AOX1: variants seen among roughly 807,000 people sequenced by gnomAD.
The protein encoded by AOX1 is aldehyde oxidase 1, also known as aldehyde oxidase.
AOX1 carries 153 observed loss-of-function variants against 169.5 expected under a neutral mutation model. That is an observed-to-expected ratio of 0.90 (90% CI 0.79 to 1.03). AOX1 has a LOEUF of 1.03. AOX1 is among the 50% of genes least tolerant of loss of function. The pLI is 0.00. For synonymous variants in AOX1, 562 were observed against 581.9 expected (o/e 0.97, Z 0.49); for missense variants, 1,656 against 1,663.9 (o/e 1.00, Z 0.08).
At chr2:200,630,380 A>G (rs1162804655) in intron 20 of AOX1, among the ~76,000 whole-genome samples, 1 of 151,940 alleles carries the variant, frequency 6.6e-6, no homozygotes, top group African/African-American at 2.4e-5. Context: ...AAAATTAGCC[A>G]GGTGTGGTGA....
Position 200,621,138 on chromosome 2 carries a change from A to C in AOX1, c.1893A>C (p.Glu631Asp), listed in dbSNP as rs546979633. 1.6e-4 allele frequency: 263 copies of C among 1,614,026 alleles called. 1 individual carries two copies. The South Asian group carries it at 2.8e-3, about 17-fold the overall frequency. ...CATCTAGGTCTATTGATCTGTCAGA[A>C]GCTCTCAGCATGCCCGGTGTGGTGG... ...HAKIVSIDLSEALSMPGVVDI... is the reference protein window; with the variant it reads ...HAKIVSIDLSDALSMPGVVDI... The change falls in exon 18 of 35, where the codon GAA (glutamate) becomes GAC (aspartate). Residue 631 changes from glutamate to aspartate, a missense_variant. By Grantham distance (45) the Glu-to-Asp change is conservative (BLOSUM62 2). Coordinates refer to ENST00000374700, the MANE Select transcript of AOX1 (RefSeq NM_001159.4).
intron 4 of AOX1, 106 bp from the exon 5 acceptor site, chr2:200,599,514 A>G (rs990033928): frequency 2.2e-6 from 2 of 899,980 alleles, no homozygotes; most frequent in Non-Finnish European, 1.6e-6. Flanking sequence ...TGCAATCTTA[A>G]CATGCAGACA....
intron 25 of AOX1, 99 bp from the exon 26 acceptor site, chr2:200,650,875 C>T: frequency 9.1e-7 from 1 of 1,104,478 alleles, no homozygotes; most frequent in Non-Finnish European, 1.3e-6. Flanking sequence ...TGGCTTGGAC[C>T]TTACAGGATG....
chr2:200,609,038 A>T lies in AOX1; in HGVS notation c.962A>T (p.Asp321Val), dbSNP rs755665118. The T allele has an allele frequency of 2.3e-5, 37 of 1,613,950 alleles. No homozygotes were observed. The highest frequency in any genetic ancestry group is 2.9e-5 in the Non-Finnish European group (34 of 1,179,986). Residue 321 changes from aspartate to valine, a missense_variant, in exon 11 of 35, where the codon GAT (aspartate) becomes GTT (valine). Physicochemically the swap from Asp to Val is radical, Grantham distance 152. Transcript: ENST00000374700. ...GCCCAGGTGAAGGACATTTTGGCTG[A>T]TGTAGTCCAGAAGCTTCCAGAGGAG... ...SLAQVKDILADVVQKLPEEKT... is the reference protein window; with the variant it reads ...SLAQVKDILAVVVQKLPEEKT...
intron 18 of AOX1, among the ~76,000 whole-genome samples, chr2:200,623,063 C>G (rs571454241): frequency 6.6e-6 from 1 of 152,018 alleles, no homozygotes; most frequent in South Asian, 2.1e-4. Flanking sequence ...ACTTTATGTT[C>G]ATTGTGGAAA....
intron 3 of AOX1, 49 bp from the exon 4 acceptor site, chr2:200,597,348 C>A: frequency 7.2e-7 from 1 of 1,396,996 alleles, no homozygotes; most frequent in South Asian, 1.3e-5. Flanking sequence ...CCCTTTCCCA[C>A]TGTATGCGAC....
In AOX1 at chr2:200,590,428, T is replaced by A. The variant is rs572066667; in HGVS notation, c.46-2718T>A. On this transcript the variant is annotated intron_variant, in intron 1 of 34. Coordinates refer to ENST00000374700, the MANE Select transcript of AOX1 (RefSeq NM_001159.4). ...CAAATCCAGAGTCAACCAGAATAAC[T>A]GTTACCCATCCCCTGTATGCCTTCT... Among the ~76,000 whole-genome samples, 12 of 152,222 alleles carry A rather than the reference T, an allele frequency of 7.9e-5. No individual in the cohort carries two copies. The South Asian group carries it at 1.9e-3, about 24-fold the overall frequency.
At chr2:200,678,813 A>G (rs1301937076), downstream of AOX1, among the ~76,000 whole-genome samples, 1 of 151,600 alleles carries the variant, frequency 6.6e-6, no homozygotes, top group Non-Finnish European at 1.5e-5. Flanking sequence ...TCAGTTTGTC[A>G]GTGTGATGGC....
At chr2:200,624,074 C>T (rs1012106650) in intron 19 of AOX1, 91 bp downstream of exon 19, 2 of 1,528,760 alleles carry the variant, frequency 1.3e-6, no homozygotes, top group African/African-American at 2.7e-5. Flanking sequence ...GAAAATGTGG[C>T]TCAAAGTGGC....
At chr2:200,639,953 C>T (rs556412800) in intron 23 of AOX1, among the ~76,000 whole-genome samples, 2 of 150,664 alleles carry the variant, frequency 1.3e-5, no homozygotes, top group East Asian at 4.0e-4. Context: ...AGGAGAATCG[C>T]TTGAACCTGG....
At chr2:200,588,462 G>A (rs2034085558) in intron 1 of AOX1, among the ~76,000 whole-genome samples, 1 of 152,084 alleles carries the variant, frequency 6.6e-6, no homozygotes, top group Admixed American at 6.5e-5. Context: ...TTAACATAAT[G>A]GCCAACAAGT....
intron 1 of AOX1, among the ~76,000 whole-genome samples, chr2:200,588,991 T>C (rs1262817756): frequency 6.6e-6 from 1 of 151,966 alleles, no homozygotes; most frequent in Non-Finnish European, 1.5e-5. Context: ...TAAGGGATTG[T>C]TGAGAAGAGT....
intron 10 of AOX1, among the ~76,000 whole-genome samples, chr2:200,607,150 T>C (rs1183096639): frequency 2.0e-5 from 3 of 152,192 alleles, no homozygotes; most frequent in Non-Finnish European, 4.4e-5. Flanking sequence ...TTTTGAGATA[T>C]GATCCATCAA....
chr2:200,595,730 T>C (rs2034269740), intron 3 of AOX1, among the ~76,000 whole-genome samples: 2 of 152,004 alleles, frequency 1.3e-5, no homozygotes, highest in East Asian at 1.9e-4. Context: ...CTTGAATGGC[T>C]CCCTAACTCC....
At chr2:200,663,729 G>C (rs1443627837) in intron 31 of AOX1, among the ~76,000 whole-genome samples, 2 of 152,072 alleles carry the variant, frequency 1.3e-5, no homozygotes, top group African/African-American at 2.4e-5. Flanking sequence ...CATTAAATGG[G>C]ACTGTGATAC....
chr2:200,613,075 G>C (rs1199885259), intron 14 of AOX1, among the ~76,000 whole-genome samples: 1 of 151,586 alleles, frequency 6.6e-6, no homozygotes, highest in Admixed American at 6.6e-5. Context: ...TCCCTCAACA[G>C]TGCAAATTTG....
At position 200,599,840 on chromosome 2, in the gene AOX1, G is replaced by A. The variant is rs184746343; in HGVS notation, c.436+94G>A. On this transcript the variant is annotated intron_variant, in intron 5 of 34. Coordinates refer to ENST00000374700, the MANE Select transcript of AOX1 (RefSeq NM_001159.4). ...CACTCTGTTGCCCGGGCTGGAGGGCGGCGGCGCAATCTTGGCCCCACTGTA... is the reference window on the plus strand; with the variant it reads ...CACTCTGTTGCCCGGGCTGGAGGGCAGCGGCGCAATCTTGGCCCCACTGTA... The A allele has an allele frequency of 2.3e-4, 255 of 1,098,244 alleles. 1 individual carries two copies. The African/African-American group carries it at 3.6e-3, about 15-fold the overall frequency. 68.0% of individuals were successfully genotyped at this position (1,098,244 alleles called of 1,614,324 possible).
At chr2:200,648,133 T>C (rs2035499375) in intron 25 of AOX1, among the ~76,000 whole-genome samples, 1 of 152,192 alleles carries the variant, frequency 6.6e-6, no homozygotes, top group Admixed American at 6.5e-5. Flanking sequence ...GCTGGTGAAC[T>C]AGTGTGATTT....
intron 14 of AOX1, among the ~76,000 whole-genome samples, 188 bp from the exon 15 acceptor site, chr2:200,613,616 G>A (rs965548384): frequency 6.6e-6 from 1 of 152,120 alleles, no homozygotes; most frequent in Admixed American, 6.5e-5. Flanking sequence ...CCTTTTACAG[G>A]TGAGGACATG....
Sources: allele counts gnomAD v4.1 joint callset (sites outside exome capture counted in the v4.1 genomes callset), GRCh38; gene constraint gnomAD v4.1.1; transcripts MANE v1.5; gene names NCBI Gene and HGNC (gene_info 2026-07-23, HGNC 2026-07-21).